The following ABHD2 variants were observed in gnomAD, a reference collection of about 807,000 sequenced individuals.
ABHD2 encodes the protein monoacylglycerol lipase ABHD2.
Under a neutral mutation model 48.1 loss-of-function variants are expected in ABHD2, and 20 were observed. The ratio of observed to expected loss-of-function variants is 0.42; its 90% CI spans 0.29 to 0.60. The LOEUF (loss-of-function observed/expected upper bound fraction) is 0.60. Among genes scored for constraint, ABHD2 ranks in the 20% least tolerant of loss-of-function variants. The pLI is 0.24. For synonymous variants in ABHD2, 209 were observed against 214.2 expected, an observed-to-expected ratio of 0.98 and a Z score of 0.21; for missense variants, 405 against 550.9, an observed-to-expected ratio of 0.74 and a Z score of 2.65.
At chr15:89,043,901 T>A in the ABHD2 span, among the ~76,000 whole-genome samples, 22,952 of 152,000 alleles carry the variant, frequency 0.15, 1,880 homozygotes, top group South Asian at 0.31. Context: ...TTCCTTTTTT[T>A]AATTTTTTAT....
Position 89,188,828 on chromosome 15 carries a change from A to G in ABHD2, c.926+525A>G, listed in dbSNP as rs1324973300. Among the ~76,000 whole-genome samples, 1 of 151,572 alleles carries G rather than the reference A, an allele frequency of 6.6e-6. No homozygotes were observed. Among genetic ancestry groups the G allele is most frequent in the Non-Finnish European group, 1.5e-5 (1 of 67,950 alleles). On this transcript the variant is annotated intron_variant, in intron 8 of 10. Coordinates refer to ENST00000352732, the MANE Select transcript of ABHD2 (RefSeq NM_152924.5). The surrounding 1 kb of genome is among the most constrained non-coding windows in gnomAD (Gnocchi z 4.1). Reference sequence around the variant, plus strand: ...CAGGAGGTTGAAGCTGCAGTGAGCCATGTTCATGCCATTGCACTCCAGCCA... The same window carrying G: ...CAGGAGGTTGAAGCTGCAGTGAGCCGTGTTCATGCCATTGCACTCCAGCCA...
intron 3 of ABHD2, among the ~76,000 whole-genome samples, chr15:89,119,347 C>G (rs1159989193): frequency 6.6e-6 from 1 of 152,150 alleles, no homozygotes. Flanking sequence ...TATTGCCCCC[C>G]CATCCTTCAA....
At chr15:89,056,911 T>C in the ABHD2 span, among the ~76,000 whole-genome samples, 8 of 139,270 alleles carry the variant, frequency 5.7e-5, no homozygotes, top group Admixed American at 2.1e-4. Context: ...GTGATACCTT[T>C]TTTTTTTTTT....
Position 89,094,545 on chromosome 15 carries a change from T to TA in ABHD2, c.-107+5987dup, listed in dbSNP as rs2049581025. Among the ~76,000 whole-genome samples, 1 of 151,580 alleles carries TA rather than the reference T, an allele frequency of 6.6e-6. No homozygotes were observed. Among genetic ancestry groups the TA allele is most frequent in the Non-Finnish European group, 1.5e-5 (1 of 67,912 alleles). ...CAACATGGTGAAACCCCGTCTCTACTAAAAATACAAAAATTAGCTGAGCAT... is the reference window on the plus strand; with the variant it reads ...CAACATGGTGAAACCCCGTCTCTACTAAAAAATACAAAAATTAGCTGAGCAT... On this transcript the variant is annotated intron_variant, in intron 1 of 10. Transcript: ENST00000352732. This position sits in a 1 kb window ranked among gnomAD's most constrained non-coding sequence, Gnocchi z 4.7.
rs2051442365 is a variant in ABHD2, at chr15:89,199,133, T to A, written c.*3710T>A. 6.6e-6 allele frequency: 1 copy of A among 151,784 alleles called. No homozygotes were observed. Among genetic ancestry groups the A allele is most frequent in the Non-Finnish European group, 1.5e-5 (1 of 68,006 alleles). 9.4% of individuals were successfully genotyped at this position (151,784 alleles called of 1,614,324 possible). ...GGTAGCTGAGCTTATATGCCCGGCA[T>A]CTGAATGAGAGCTCTCTTTGTAACT... On this transcript the variant is annotated 3_prime_UTR_variant, in exon 11 of 11. Coordinates refer to ENST00000352732, the MANE Select transcript of ABHD2 (RefSeq NM_152924.5). The surrounding 1 kb of genome is among the most constrained non-coding windows in gnomAD (Gnocchi z 4.1).
chr15:89,159,855 A>G (rs940763328), intron 5 of ABHD2, among the ~76,000 whole-genome samples: 3 of 152,244 alleles, frequency 2.0e-5, no homozygotes, highest in African/African-American at 7.2e-5. Context: ...TGTTCTAGAA[A>G]GACAGGTGAC....
chr15:89,123,769 TA>T (rs2050090536), intron 3 of ABHD2, among the ~76,000 whole-genome samples: 1 of 152,014 alleles, frequency 6.6e-6, no homozygotes, highest in Non-Finnish European at 1.5e-5. Context: ...GGCTAATTTT[TA>T]AAAATATATT....
rs1006148646 is a variant in ABHD2 at position 89,091,151 on chromosome 15, G to A, written c.-107+2588G>A. The stretch of plus-strand genomic sequence containing the variant: ...TACTCTCACCTTCATTTCCTTTATC[G>A]CCTGCGTGGGTCTGACAAATAGGCA... On this transcript the variant is annotated intron_variant, in intron 1 of 10. Coordinates refer to ENST00000352732, the MANE Select transcript of ABHD2 (RefSeq NM_152924.5). This position sits in a 1 kb window ranked among gnomAD's most constrained non-coding sequence, Gnocchi z 5.5. Among the ~76,000 whole-genome samples, 48 of 151,756 alleles carry A rather than the reference G, an allele frequency of 3.2e-4. 1 individual carries two copies. Among genetic ancestry groups the A allele is most frequent in the Non-Finnish European group, 1.5e-5 (1 of 67,992 alleles).
chr15:89,094,891 C>T lies in ABHD2; in HGVS notation c.-107+6328C>T, dbSNP rs1402296949. ...CAGCCTGGCCAACATGATGAAACCCCATATCCACTAAAAATACAAAATATT... is the reference window on the plus strand; with the variant it reads ...CAGCCTGGCCAACATGATGAAACCCTATATCCACTAAAAATACAAAATATT... On this transcript the variant is annotated intron_variant, in intron 1 of 10. Coordinates refer to ENST00000352732, the MANE Select transcript of ABHD2 (RefSeq NM_152924.5). This position sits in a 1 kb window ranked among gnomAD's most constrained non-coding sequence, Gnocchi z 4.7. 6.6e-6 allele frequency among the ~76,000 whole-genome samples: 1 copy of T among 151,620 alleles called. No individual in the cohort carries two copies. Among genetic ancestry groups the T allele is most frequent in the Admixed American group, 6.6e-5 (1 of 15,220 alleles).
the ABHD2 span, among the ~76,000 whole-genome samples, chr15:89,054,679 CAAAAAAAGAAAAAAGAAA>C: frequency 2.1e-5 from 3 of 145,664 alleles, no homozygotes; most frequent in African/African-American, 7.6e-5. Flanking sequence ...CACTCCATTT[CAAAAAAAGAAAAAAGAAA>C]AAAAAAAGAA....
intron 3 of ABHD2, among the ~76,000 whole-genome samples, chr15:89,142,797 G>C (rs2050426545): frequency 6.6e-6 from 1 of 152,068 alleles, no homozygotes; most frequent in Non-Finnish European, 1.5e-5. Context: ...TCTTGTCTTG[G>C]GTTGGGCTGG....
At chr15:89,051,600 G>A in the ABHD2 span, among the ~76,000 whole-genome samples, 2 of 152,170 alleles carry the variant, frequency 1.3e-5, no homozygotes, top group Non-Finnish European at 2.9e-5. Context: ...GGAGGGACCT[G>A]GTGGATAACC....
intron 3 of ABHD2, among the ~76,000 whole-genome samples, chr15:89,144,310 T>G (rs2050456522): frequency 6.6e-6 from 1 of 152,112 alleles, no homozygotes; most frequent in Non-Finnish European, 1.5e-5. Flanking sequence ...ATTTTGTATT[T>G]TTAGTAGGGA....
At chr15:89,079,824 G>A in the ABHD2 span, among the ~76,000 whole-genome samples, 1 of 152,148 alleles carries the variant, frequency 6.6e-6, no homozygotes, top group Admixed American at 6.5e-5. The surrounding 1 kb of genome is among the most constrained non-coding windows in gnomAD (Gnocchi z 4.3). Context: ...CTCTAAGTAG[G>A]TGAAGCCGAG....
the ABHD2 span, among the ~76,000 whole-genome samples, chr15:89,061,343 G>A: frequency 1.2e-4 from 18 of 151,978 alleles, no homozygotes; most frequent in African/African-American, 4.3e-4. Flanking sequence ...GCTTGAACCC[G>A]GGAGGTAGAT....
intron 1 of ABHD2, among the ~76,000 whole-genome samples, chr15:89,093,047 C>G (rs1173362009): frequency 2.0e-5 from 3 of 152,010 alleles, no homozygotes; most frequent in Non-Finnish European, 4.4e-5. Flanking sequence ...GTCCTTGGGC[C>G]CTTCTTCGCC....
intron 9 of ABHD2, among the ~76,000 whole-genome samples, chr15:89,192,571 A>G (rs2351006): frequency 0.48 from 71,728 of 151,004 alleles, 17,306 homozygotes; most frequent in Non-Finnish European, 0.49. Flanking sequence ...GTGCGGTGGC[A>G]TGATCATAGT....
rs2050873932 is a variant in ABHD2 at position 89,168,724 on chromosome 15, CT to C, written c.539-7087del. ...AACTGTCCCAATGACATCTGAACATCTGCTCTAGGTCTCAAATAATTAGTCT... is the reference window on the plus strand; with the variant it reads ...AACTGTCCCAATGACATCTGAACATCGCTCTAGGTCTCAAATAATTAGTCT... On this transcript the variant is annotated intron_variant, in intron 5 of 10. Transcript: ENST00000352732. The surrounding 1 kb of genome is among the most constrained non-coding windows in gnomAD (Gnocchi z 4.8). Among the ~76,000 whole-genome samples, 1 of 152,246 alleles carries C rather than the reference CT, an allele frequency of 6.6e-6. No individual in the cohort carries two copies. The highest frequency in any genetic ancestry group is 2.4e-5 in the African/African-American group (1 of 41,466).
In ABHD2 at chr15:89,183,901, G is replaced by A. The variant is rs139976151; in HGVS notation, c.723-1523G>A. ...TGGGTGGCTTGGATCCAAAGTCAGA[G>A]GAGAGGCAGCTGGTTGTGGCTCGGT... is the stretch of plus-strand genomic sequence containing the variant. On this transcript the variant is annotated intron_variant, in intron 6 of 10. Transcript: ENST00000352732. Among the ~76,000 whole-genome samples the A allele has an allele frequency of 5.8e-4, 88 of 152,276 alleles. 1 individual carries two copies. The East Asian group carries it at 0.017, about 29-fold the overall frequency.
Sources: allele counts gnomAD v4.1 joint callset (sites outside exome capture counted in the v4.1 genomes callset), GRCh38; gene constraint gnomAD v4.1.1; non-coding constraint Gnocchi (gnomAD v3.1); transcripts MANE v1.5; gene names NCBI Gene and HGNC (gene_info 2026-07-23, HGNC 2026-07-21).